The following ANKDD1A variants were observed in gnomAD, a reference collection of about 807,000 sequenced individuals.
ANKDD1A encodes the protein ankyrin repeat and death domain containing 1A.
A neutral mutation model predicts 63.5 loss-of-function variants in ANKDD1A; 59 were observed. That is an observed-to-expected ratio of 0.93 (90% CI 0.75 to 1.15). The LOEUF (loss-of-function observed/expected upper bound fraction) is 1.15. Ranked by LOEUF, ANKDD1A falls within the 50% of genes most tolerant of loss-of-function variation. The pLI, the probability that ANKDD1A is intolerant of heterozygous loss-of-function variation, is 0.00. For synonymous variants in ANKDD1A, 266 were observed against 263.9 expected (o/e 1.01, Z -0.08); for missense variants, 632 against 656.4 (o/e 0.96, Z 0.41).
chr15:64,931,678 G>A, intron 8 of ANKDD1A, 93 bp downstream of exon 8: 2 of 1,347,132 alleles, frequency 1.5e-6, no homozygotes, highest in Non-Finnish European at 2.1e-6. Flanking sequence ...TGAACCCTGA[G>A]TGAATAGAGG....
chr15:64,934,346 AC>A, intron 9 of ANKDD1A, 112 bp downstream of exon 9: 1 of 958,676 alleles, frequency 1.0e-6, no homozygotes, highest in South Asian at 1.7e-5. Flanking sequence ...TGGGGTGCGG[AC>A]CAGGAGTAGG....
At chr15:64,947,111 T>C (rs2140382009) in intron 12 of ANKDD1A, among the ~76,000 whole-genome samples, 1 of 152,246 alleles carries the variant, frequency 6.6e-6, no homozygotes, top group South Asian at 2.1e-4. Context: ...AAAGGCTCCC[T>C]GGAAGTAGCA....
At chr15:64,948,266 A>G (rs140032757) in intron 13 of ANKDD1A, among the ~76,000 whole-genome samples, 2,019 of 152,342 alleles carry the variant, frequency 0.013, 46 homozygotes, top group African/African-American at 0.043. Context: ...TAATGGTTCA[A>G]CTATAAAAGA....
At chr15:64,953,298 CTTCT>C (rs554662318) in intron 14 of ANKDD1A, among the ~76,000 whole-genome samples, 39 of 146,210 alleles carry the variant, frequency 2.7e-4, no homozygotes, top group African/African-American at 8.1e-4. Context: ...CTTCTTTCTT[CTTCT>C]TTTACTTTTT....
chr15:64,933,091 C>G (rs1309501002), intron 8 of ANKDD1A, among the ~76,000 whole-genome samples: 13 of 152,024 alleles, frequency 8.6e-5, no homozygotes, highest in Admixed American at 7.9e-4. Context: ...TTTCAACACT[C>G]CCACCCCTCT....
chr15:64,917,283 C>T, intron 2 of ANKDD1A, 103 bp from the exon 3 acceptor site: 3 of 1,402,992 alleles, frequency 2.1e-6, no homozygotes, highest in Non-Finnish European at 2.8e-6. Context: ...CCAGCAAAGA[C>T]CCTTCCAGCC....
At chr15:64,951,733 T>C (rs1187331426) in intron 14 of ANKDD1A, among the ~76,000 whole-genome samples, 2 of 148,442 alleles carry the variant, frequency 1.3e-5, no homozygotes, top group African/African-American at 5.0e-5. Context: ...TTTTCTTCTT[T>C]CCTCCTTCTT....
At chr15:64,951,555 T>TTTTC (rs1555397397) in intron 14 of ANKDD1A, 6 of 6,928 alleles carry the variant, frequency 8.7e-4, no homozygotes, top group Admixed American at 2.7e-3. Flanking sequence ...TCTTCTCTTC[T>TTTTC]TTCTTTTTCT....
intron 14 of ANKDD1A, among the ~76,000 whole-genome samples, chr15:64,954,763 C>G (rs1276441786): frequency 7.9e-6 from 1 of 127,202 alleles, no homozygotes; most frequent in African/African-American, 3.4e-5. Context: ...TCTTTTTGTT[C>G]TTCTTTCTTC....
At chr15:64,942,648 G>T (rs1260547017) in intron 10 of ANKDD1A, 83 bp downstream of exon 10, 34 of 1,023,184 alleles carry the variant, frequency 3.3e-5, no homozygotes, top group Non-Finnish European at 4.4e-5. Context: ...TGGTCTCCTA[G>T]CATGGCCCAG....
intron 14 of ANKDD1A, among the ~76,000 whole-genome samples, chr15:64,954,757 T>TC (rs2085397429): frequency 7.4e-6 from 1 of 135,508 alleles, no homozygotes. Flanking sequence ...CTTCTTTCTT[T>TC]TTGTTCTTCT....
intron 8 of ANKDD1A, chr15:64,932,191 C>T (rs1567112748): frequency 6.6e-6 from 1 of 152,598 alleles, no homozygotes; most frequent in Non-Finnish European, 1.5e-5. Context: ...AGCCATTGCA[C>T]CTGGCCCTGT....
intron 14 of ANKDD1A, chr15:64,950,981 C>A (rs888348229): frequency 7.9e-7 from 1 of 1,272,428 alleles, no homozygotes; most frequent in African/African-American, 1.5e-5. Context: ...GCAAACGCAG[C>A]CCCGAGTGCC....
At position 64,926,134 on chromosome 15, in the gene ANKDD1A, G is replaced by T; in HGVS notation, c.435G>T (p.Glu145Asp). The change falls in exon 5 of 15, where the codon GAG becomes GAT. Residue 145 changes from glutamate (E) to aspartate (D), a missense_variant. Physicochemically the swap from Glu to Asp is conservative, Grantham distance 45 (BLOSUM62 2). Coordinates refer to ENST00000319580, the MANE Select transcript of ANKDD1A (RefSeq NM_182703.6). ...TGCCTGTGCTGGCGTTCATAATGGA[G>T]GACCTGGAGGATGTGGCCCTGGACC... ...GHVPVLAFIMEDLEDVALDHV... is the reference protein window; with the variant it reads ...GHVPVLAFIMDDLEDVALDHV... 1 of 1,614,062 alleles carries T rather than the reference G, an allele frequency of 6.2e-7. No homozygotes were observed. Among genetic ancestry groups the T allele is most frequent in the South Asian group, 1.1e-5 (1 of 91,070 alleles).
chr15:64,952,718 CT>C (rs1345335412), intron 14 of ANKDD1A, among the ~76,000 whole-genome samples: 1 of 131,326 alleles, frequency 7.6e-6, no homozygotes, highest in Admixed American at 7.9e-5. Flanking sequence ...CTCCTTTCTT[CT>C]TTCTTCTTCT....
intron 9 of ANKDD1A, among the ~76,000 whole-genome samples, chr15:64,935,547 C>T (rs1340147339): frequency 1.3e-5 from 2 of 151,892 alleles, no homozygotes; most frequent in South Asian, 2.1e-4. Flanking sequence ...TTGTGTCAGG[C>T]GCCTGTAGTC....
At chr15:64,953,513 T>TTCTCC (rs2085343057) in intron 14 of ANKDD1A, among the ~76,000 whole-genome samples, 2 of 36,372 alleles carry the variant, frequency 5.5e-5, no homozygotes, top group Non-Finnish European at 8.1e-5. Context: ...CTCCTCTTCC[T>TTCTCC]TCTCCTTCTT....
rs539185871 is a variant in ANKDD1A, at chr15:64,950,898, A to G, written c.1483+926A>G. 7.5e-5 allele frequency: 92 copies of G among 1,226,990 alleles called. No homozygotes were observed. The African/African-American group carries it at 1.4e-3, about 19-fold the overall frequency. 76.0% of individuals were successfully genotyped at this position (1,226,990 alleles called of 1,614,324 possible). On this transcript the variant is annotated intron_variant, in intron 14 of 14. Transcript: ENST00000319580. The stretch of plus-strand genomic sequence containing the variant: ...TGGCATGCAATTAAAACATAAAACC[A>G]GTCCTGTGAGGCAGAGCTTAGGCAA...
At chr15:64,942,936 G>C (rs951563320) in intron 10 of ANKDD1A, among the ~76,000 whole-genome samples, 1 of 152,110 alleles carries the variant, frequency 6.6e-6, no homozygotes, top group East Asian at 1.9e-4. Context: ...GATCAGTAAA[G>C]CCCTTTTAAA....
Sources: gnomAD v4.1 joint callset for allele counts (sites outside exome capture counted in the v4.1 genomes callset) on GRCh38, gnomAD v4.1.1 for gene constraint, MANE v1.5 for transcripts, NCBI Gene and HGNC (gene_info 2026-07-23, HGNC 2026-07-21) for gene names.